LRFN1: variants seen among roughly 807,000 people sequenced by gnomAD.
The protein encoded by LRFN1 is leucine-rich repeat and fibronectin type III domain-containing protein 1.
A neutral mutation model predicts 31.8 loss-of-function variants in LRFN1; 20 were observed. The ratio of observed to expected loss-of-function variants is 0.63; its 90% CI spans 0.44 to 0.91. The LOEUF (loss-of-function observed/expected upper bound fraction) is 0.91, where lower values mean the gene tolerates loss of function less well. Ranked by LOEUF, LRFN1 falls within the 40% of genes least tolerant of loss-of-function variation. The pLI is 0.00. For missense variants in LRFN1, 912 were observed against 1,129.8 expected, an observed-to-expected ratio of 0.81 and a Z score of 2.76; for synonymous variants, 514 against 541.3, an observed-to-expected ratio of 0.95 and a Z score of 0.70.
At position 39,315,921 on chromosome 19, in the gene LRFN1, C is replaced by T. The variant is rs908109203; in HGVS notation, c.-38+161G>A. Reference sequence around the variant, plus strand: ...ACCTCTGCCCCTCCTGTAGTAGCTCCCAAACCTCTCATGATCTCCCAACCA... The same window carrying T: ...ACCTCTGCCCCTCCTGTAGTAGCTCTCAAACCTCTCATGATCTCCCAACCA... On this transcript the variant is annotated intron_variant, in intron 3 of 4. Transcript: ENST00000248668. This position sits in a 1 kb window ranked among gnomAD's most constrained non-coding sequence, Gnocchi z 4.7. Among the ~76,000 whole-genome samples the T allele has an allele frequency of 6.6e-6, 1 of 152,222 alleles. No individual in the cohort carries two copies. Among genetic ancestry groups the T allele is most frequent in the East Asian group, 1.9e-4 (1 of 5,202 alleles).
chr19:39,308,280 T>C lies in LRFN1; in HGVS notation c.1669A>G (p.Ile557Val). ...CCGTCGCCATACACCTTATAGCGGA[T>C]CATGAGCAGAACGATGAAGACGAGG... Reference protein sequence around the residue: ...SVLVFIVLLMIRYKVYGDGDS... With the variant: ...SVLVFIVLLMVRYKVYGDGDS... The change falls in exon 5 of 5, where the codon ATC (isoleucine) becomes GTC (valine). Residue 557 changes from isoleucine (I) to valine (V), a missense_variant. Coordinates refer to ENST00000248668, the MANE Select transcript of LRFN1 (RefSeq NM_020862.2). This position sits in a 1 kb window ranked among gnomAD's most constrained non-coding sequence, Gnocchi z 6.2. 1 of 1,613,262 alleles carries C rather than the reference T, an allele frequency of 6.2e-7. No individual in the cohort carries two copies. Among genetic ancestry groups the C allele is most frequent in the Non-Finnish European group, 8.5e-7 (1 of 1,179,658 alleles).
At position 39,306,607 on chromosome 19, in the gene LRFN1, C is replaced by A. The variant is rs1266072522; in HGVS notation, c.*1026G>T. On this transcript the variant is annotated 3_prime_UTR_variant, in exon 5 of 5. Transcript: ENST00000248668. ...TTTTATTTTTGTGATTATTCCCCAC[C>A]TCTAAGTCTCTCAGAGGATAAAAGC... The A allele has an allele frequency of 6.6e-6, 1 of 152,106 alleles. No individual in the cohort carries two copies. The highest frequency in any genetic ancestry group is 1.5e-5 in the Non-Finnish European group (1 of 68,032). The allele number at this position is 152,106 out of a possible 1,614,324, so 9.4% of individuals were successfully genotyped here.
chr19:39,320,187 A>G (rs1439338243), intron 1 of LRFN1, among the ~76,000 whole-genome samples: 1 of 148,176 alleles, frequency 6.7e-6, no homozygotes, highest in African/African-American at 2.5e-5. Flanking sequence ...GGACCGAGGG[A>G]GCGGCGAACT....
intron 4 of LRFN1, 147 bp downstream of exon 4, chr19:39,313,784 G>A: frequency 1.4e-6 from 1 of 707,092 alleles, no homozygotes. Flanking sequence ...GAAATAGAGA[G>A]AGGAGACAGG....
chr19:39,310,082 C>T (rs187792645), intron 4 of LRFN1, among the ~76,000 whole-genome samples: 5 of 152,160 alleles, frequency 3.3e-5, no homozygotes, highest in Non-Finnish European at 4.4e-5. Flanking sequence ...CTCAGCCTCC[C>T]GGACAGCTGA....
chr19:39,318,581 C>A (rs2075178835), intron 1 of LRFN1, among the ~76,000 whole-genome samples: 1 of 152,106 alleles, frequency 6.6e-6, no homozygotes, highest in African/African-American at 2.4e-5. Context: ...GAGTCGAGGA[C>A]TTTAGCCCTT....
At position 39,314,188 on chromosome 19, in the gene LRFN1, C is replaced by T. The variant is rs751385488; in HGVS notation, c.1149G>A (p.Val383=). The change falls in exon 4 of 5, where the codon GTG becomes GTA. Residue 383 remains valine (V), a synonymous_variant. Transcript: ENST00000248668. ...SNAAGEATAP[V]EVCVVPLPLM... Reference sequence around the variant, plus strand: ...GAGGCAGAGGTACCACGCACACCTCCACGGGCGCCGTCGCTTCCCCAGCAG... The same window carrying T: ...GAGGCAGAGGTACCACGCACACCTCTACGGGCGCCGTCGCTTCCCCAGCAG... 18 of 1,613,160 alleles carry T rather than the reference C, an allele frequency of 1.1e-5. No homozygotes were observed. The Middle Eastern group carries it at 6.6e-4, about 59-fold the overall frequency.
chr19:39,309,450 G>A (rs1045683231), intron 4 of LRFN1, among the ~76,000 whole-genome samples: 3 of 113,942 alleles, frequency 2.6e-5, no homozygotes, highest in Non-Finnish European at 4.9e-5. Flanking sequence ...CCGCAAGACC[G>A]AGACTCTGTC....
At position 39,314,007 on chromosome 19, in the gene LRFN1, C is replaced by A; in HGVS notation, c.1330G>T (p.Ala444Ser). The A allele has an allele frequency of 6.2e-7, 1 of 1,611,632 alleles. No individual in the cohort carries two copies. The highest frequency in any genetic ancestry group is 8.5e-7 in the Non-Finnish European group (1 of 1,179,776). Reference protein sequence around the residue: ...TSNSVLIRWPAQRPVPGIRMY... With the variant: ...TSNSVLIRWPSQRPVPGIRMY... ...CGTATTCCGGGCACAGGCCTCTGGG[C>A]TGGCCAGCGGATGAGCACGGAGTTC... The change falls in exon 4 of 5, where the codon GCC becomes TCC. Residue 444 changes from alanine (A) to serine (S), a missense_variant. By Grantham distance (99) the Ala-to-Ser change is moderately conservative. Around this residue, in one of 2 missense-constraint regions of LRFN1, gnomAD observed 511 missense variants for 557.0 expected, o/e 0.92. Transcript: ENST00000248668.
intron 4 of LRFN1, among the ~76,000 whole-genome samples, chr19:39,310,588 T>C (rs2075147104): frequency 6.6e-6 from 1 of 152,120 alleles, no homozygotes; most frequent in Non-Finnish European, 1.5e-5. Flanking sequence ...GGACTGCCCG[T>C]TCCACATTGA....
At position 39,307,499 on chromosome 19, in the gene LRFN1, C is replaced by T; in HGVS notation, c.*134G>A. ...CCGCAGCCCGAGGCTGCCCCGCCCC[C>T]TCCCGGGGACAAGGGCGCGTCTCCA... On this transcript the variant is annotated 3_prime_UTR_variant, in exon 5 of 5. Transcript: ENST00000248668. The surrounding 1 kb of genome is among the most constrained non-coding windows in gnomAD (Gnocchi z 6.7). The T allele has an allele frequency of 5.6e-6, 6 of 1,066,658 alleles. No homozygotes were observed. Among genetic ancestry groups the T allele is most frequent in the Non-Finnish European group, 7.3e-6 (6 of 819,826 alleles). 66.1% of individuals were successfully genotyped at this position (1,066,658 alleles called of 1,614,324 possible). A position where few individuals can be genotyped will look rare whatever the true frequency, so the allele number is the denominator to read the frequency against.
At position 39,308,222 on chromosome 19, in the gene LRFN1, A is replaced by G. The variant is rs777414968; in HGVS notation, c.1727T>C (p.Leu576Pro). ...DSRRVKGSRS[L>P]PRVSHVCSQT... ...CGAGCACACGTGGCTGACCCGCGGG[A>G]GCGACCTGGAGCCCTTGACGCGGCG... The change falls in exon 5 of 5, where the codon CTC becomes CCC. Residue 576 changes from leucine to proline, a missense_variant. Leu to Pro is a moderately conservative substitution (Grantham distance 98). Transcript: ENST00000248668. This position sits in a 1 kb window ranked among gnomAD's most constrained non-coding sequence, Gnocchi z 6.2. The G allele has an allele frequency of 7.3e-5, 118 of 1,610,154 alleles. No homozygotes were observed. Among genetic ancestry groups the G allele is most frequent in the Middle Eastern group, 3.3e-4 (2 of 6,066 alleles).
Position 39,320,811 on chromosome 19 carries a change from G to C in LRFN1, c.-144C>G, listed in dbSNP as rs1347798163. ...CGCTCACCCAGCCCGGGGGGGCCCC[G>C]GGCCCGGCCCCGCCGCCGCTGCCTC... On this transcript the variant is annotated 5_prime_UTR_variant, in exon 1 of 5. Coordinates refer to ENST00000248668, the MANE Select transcript of LRFN1 (RefSeq NM_020862.2). 6.9e-6 allele frequency: 1 copy of C among 145,194 alleles called. No individual in the cohort carries two copies. The highest frequency in any genetic ancestry group is 6.8e-5 in the Admixed American group (1 of 14,620). 9.0% of individuals were successfully genotyped at this position (145,194 alleles called of 1,614,324 possible).
intron 2 of LRFN1, among the ~76,000 whole-genome samples, chr19:39,317,016 G>C (rs2075174202): frequency 6.6e-6 from 1 of 152,132 alleles, no homozygotes; most frequent in Non-Finnish European, 1.5e-5. Flanking sequence ...GAAAGTCAGA[G>C]ACAGAGGTGA....
intron 2 of LRFN1, among the ~76,000 whole-genome samples, chr19:39,317,185 CAG>C (rs1231197192): frequency 2.6e-5 from 4 of 151,500 alleles, no homozygotes; most frequent in East Asian, 1.9e-4. Context: ...GAGAGAGACA[CAG>C]AAAAAAGACA....
intron 1 of LRFN1, among the ~76,000 whole-genome samples, chr19:39,319,971 G>A (rs1006956283): frequency 9.9e-5 from 15 of 152,110 alleles, no homozygotes; most frequent in Non-Finnish European, 2.1e-4. Flanking sequence ...ATGTCTGGCC[G>A]GTGGGGGAAT....
rs370016913 is a variant in LRFN1 at position 39,314,980 on chromosome 19, G to T, written c.357C>A (p.His119Gln). The change falls in exon 4 of 5, where the codon CAC (histidine) becomes CAA (glutamine). Residue 119 changes from histidine to glutamine, a missense_variant. Coordinates refer to ENST00000248668, the MANE Select transcript of LRFN1 (RefSeq NM_020862.2). Reference protein sequence around the residue: ...FADLRALRALHLDSNRLAEVR... With the variant: ...FADLRALRALQLDSNRLAEVR... ...CCTCCGCCAGGCGGTTGCTGTCCAGGTGCAGGGCCCGGAGGGCACGCAGGT... is the reference window on the plus strand; with the variant it reads ...CCTCCGCCAGGCGGTTGCTGTCCAGTTGCAGGGCCCGGAGGGCACGCAGGT... The T allele has an allele frequency of 1.3e-6, 2 of 1,592,298 alleles. No individual in the cohort carries two copies. The highest frequency in any genetic ancestry group is 8.5e-7 in the Non-Finnish European group (1 of 1,175,006).
intron 2 of LRFN1, among the ~76,000 whole-genome samples, chr19:39,317,649 T>C (rs1438711038): frequency 6.6e-6 from 1 of 152,178 alleles, no homozygotes; most frequent in East Asian, 1.9e-4. Flanking sequence ...TGTGTGACTT[T>C]AATCAAGTGA....
chr19:39,312,536 C>T (rs1388350869), intron 4 of LRFN1, among the ~76,000 whole-genome samples: 1 of 152,160 alleles, frequency 6.6e-6, no homozygotes, highest in Admixed American at 6.5e-5. Context: ...GGTGCAGCGG[C>T]TCACACCTGT....
Sources: gnomAD v4.1 joint callset for allele counts (sites outside exome capture counted in the v4.1 genomes callset) on GRCh38, gnomAD v4.1.1 for gene constraint, gnomAD v4.1.1 regional missense constraint, Gnocchi (gnomAD v3.1) non-coding constraint, MANE v1.5 for transcripts, NCBI Gene and HGNC (gene_info 2026-07-23, HGNC 2026-07-21) for gene names.